Variants in ERBB3 observed in about 807,000 individuals in gnomAD.
ERBB3 encodes the protein erb-b2 receptor tyrosine kinase 3, also known as receptor tyrosine-protein kinase erbB-3.
ERBB3 carries 96 observed loss-of-function variants against 156.7 expected under a neutral mutation model. The observed-to-expected ratio is 0.61, with a 90% CI of 0.52 to 0.73. ERBB3 has a LOEUF of 0.73. Among genes scored for constraint, ERBB3 ranks in the 30% least tolerant of loss-of-function variants. The probability of loss-of-function intolerance (pLI) is 0.00; values close to 1 mark genes in which losing one functional copy is unlikely to be tolerated. For missense variants in ERBB3, 1,406 were observed against 1,709.4 expected, an observed-to-expected ratio of 0.82 and a Z score of 3.13; for synonymous variants, 567 against 632.0, an observed-to-expected ratio of 0.90 and a Z score of 1.54.
At chr12:56,096,721 T>C (rs774523341) in intron 18 of ERBB3, 27 bp from the exon 19 acceptor site, 6 of 1,612,376 alleles carry the variant, frequency 3.7e-6, no homozygotes, top group Non-Finnish European at 5.1e-6. Context: ...AATGACCTTA[T>C]GCCAACTCCT....
intron 9 of ERBB3, among the ~76,000 whole-genome samples, chr12:56,089,541 G>A (rs1160985983): frequency 4.6e-5 from 7 of 152,000 alleles, no homozygotes; most frequent in African/African-American, 1.7e-4. Flanking sequence ...AGGTCAGATC[G>A]AGACCATCCT....
intron 16 of ERBB3, 97 bp downstream of exon 16, chr12:56,095,407 C>A (rs1363639011): frequency 9.2e-7 from 1 of 1,085,706 alleles, no homozygotes; most frequent in Non-Finnish European, 1.4e-6. Flanking sequence ...TTCATTCTGG[C>A]CTTTTATGTA....
At chr12:56,098,026 A>C (rs1217942018) in intron 21 of ERBB3, 86 bp downstream of exon 21, 2 of 1,361,064 alleles carry the variant, frequency 1.5e-6, no homozygotes, top group African/African-American at 1.4e-5. Context: ...AGAGGCAAGC[A>C]GATGCTTCAT....
At chr12:56,084,351 C>A (rs1868404396) in intron 2 of ERBB3, among the ~76,000 whole-genome samples, 1 of 152,202 alleles carries the variant, frequency 6.6e-6, no homozygotes, top group African/African-American at 2.4e-5. Context: ...TGGCTCATGC[C>A]TGTAATCCCA....
chr12:56,094,507 C>G lies in ERBB3; in HGVS notation c.1810C>G (p.Pro604Ala). Residue 604 changes from proline (P) to alanine (A), a missense_variant, in exon 15 of 28, where the codon CCA becomes GCA. Physicochemically the swap from Pro to Ala is conservative, Grantham distance 27. Transcript: ENST00000267101. ...TGCCAAGGGCCCAATCTACAAGTAC[C>G]CAGATGTTCAGAATGAATGTCGGCC... Reference protein sequence around the residue: ...LGAKGPIYKYPDVQNECRPCH... With the variant: ...LGAKGPIYKYADVQNECRPCH... 1 of 1,614,082 alleles carries G rather than the reference C, an allele frequency of 6.2e-7. No homozygotes were observed. Among genetic ancestry groups the G allele is most frequent in the Non-Finnish European group, 8.5e-7 (1 of 1,180,012 alleles).
rs1869103949 is a variant in ERBB3, at chr12:56,101,517, C to T, written c.3503-12C>T. The T allele has an allele frequency of 2.5e-6, 4 of 1,613,654 alleles. No individual in the cohort carries two copies. The highest frequency in any genetic ancestry group is 1.7e-5 in the Admixed American group (1 of 59,992). ...GTTCTTCACATACCTAGCCTTTCTT[C>T]TCAACCCCCAGGTACTCCCTCCTCC... On this transcript the variant is annotated splice_polypyrimidine_tract_variant and intron_variant, in intron 27 of 27. Transcript: ENST00000267101.
Position 56,087,866 on chromosome 12 carries a change from G to T in ERBB3, c.685G>T (p.Asp229Tyr). 1 of 1,614,212 alleles carries T rather than the reference G, an allele frequency of 6.2e-7. No homozygotes were observed. The highest frequency in any genetic ancestry group is 1.1e-5 in the South Asian group (1 of 91,080). Residue 229 changes from aspartate to tyrosine, a missense_variant, in exon 6 of 28, where the codon GAT (aspartate) becomes TAT (tyrosine). By Grantham distance (160) the Asp-to-Tyr change is radical. This residue lies in a region of ERBB3 where 979 missense variants were observed against 1,219.6 expected (regional missense o/e 0.80). Coordinates refer to ENST00000267101, the MANE Select transcript of ERBB3 (RefSeq NM_001982.4). ...GCCCAACCCCAACCAGTGCTGCCAT[G>T]ATGAGTGTGCCGGGGGCTGCTCAGG... The part of the protein sequence containing the change: ...FGPNPNQCCH[D>Y]ECAGGCSGPQ...
At chr12:56,085,886 G>A (rs1298355945) in intron 3 of ERBB3, among the ~76,000 whole-genome samples, 3 of 151,354 alleles carry the variant, frequency 2.0e-5, no homozygotes, top group South Asian at 2.1e-4. Flanking sequence ...TGGCTAACAC[G>A]GTGAAACCCC....
rs778618876 is a variant in ERBB3 at position 56,088,848 on chromosome 12, T to C, written c.1089T>C (p.Phe363=). The change falls in exon 9 of 28, where the codon TTT becomes TTC. Residue 363 remains phenylalanine, a synonymous_variant. Coordinates refer to ENST00000267101, the MANE Select transcript of ERBB3 (RefSeq NM_001982.4). ...NCTKILGNLD[F]LITGLNGDPW... is the part of the protein sequence containing the mutation. ...CCAAGATCCTGGGCAACCTGGACTTTCTGATCACCGGCCTCAATGGGTTAG... is the reference window on the plus strand; with the variant it reads ...CCAAGATCCTGGGCAACCTGGACTTCCTGATCACCGGCCTCAATGGGTTAG... 4.3e-5 allele frequency: 69 copies of C among 1,614,046 alleles called. No homozygotes were observed. Among genetic ancestry groups the C allele is most frequent in the Middle Eastern group, 1.6e-4 (1 of 6,082 alleles).
chr12:56,090,372 C>T (rs930082172), intron 9 of ERBB3, among the ~76,000 whole-genome samples: 2 of 152,102 alleles, frequency 1.3e-5, no homozygotes, highest in Admixed American at 6.6e-5. Flanking sequence ...TGGCTCATGC[C>T]TATAATCCCA....
chr12:56,088,289 T>G, intron 7 of ERBB3, 127 bp downstream of exon 7: 2 of 1,073,130 alleles, frequency 1.9e-6, no homozygotes, highest in Non-Finnish European at 2.8e-6. Context: ...TATGATCATC[T>G]AACCACTCCA....
At chr12:56,089,123 G>GTT in intron 9 of ERBB3, 1 of 576,758 alleles carries the variant, frequency 1.7e-6, no homozygotes, top group African/African-American at 1.9e-5. Flanking sequence ...CCTTCTTAAA[G>GTT]TTTTCTTTTT....
rs771529756 is a variant in ERBB3, at chr12:56,101,961, C to T, written c.3935C>T (p.Thr1312Ile). Residue 1312 changes from threonine (T) to isoleucine (I), a missense_variant, in exon 28 of 28, where the codon ACT becomes ATT. By Grantham distance (89) the Thr-to-Ile change is moderately conservative (BLOSUM62 -1). Coordinates refer to ENST00000267101, the MANE Select transcript of ERBB3 (RefSeq NM_001982.4). Reference protein sequence around the residue: ...APHVHYARLKTLRSLEATDSA... With the variant: ...APHVHYARLKILRSLEATDSA... ...CATGTCCATTATGCCCGCCTAAAAA[C>T]TCTACGTAGCTTAGAGGCTACAGAC... is the stretch of plus-strand genomic sequence containing the variant. 3 of 1,613,706 alleles carry T rather than the reference C, an allele frequency of 1.9e-6. No homozygotes were observed. The highest frequency in any genetic ancestry group is 4.5e-5 in the East Asian group (2 of 44,888).
At position 56,087,869 on chromosome 12, in the gene ERBB3, G is replaced by A; in HGVS notation, c.688G>A (p.Glu230Lys). 6.2e-7 allele frequency: 1 copy of A among 1,614,198 alleles called. No individual in the cohort carries two copies. ...CAACCCCAACCAGTGCTGCCATGAT[G>A]AGTGTGCCGGGGGCTGCTCAGGCCC... ...GPNPNQCCHD[E>K]CAGGCSGPQD... The change falls in exon 6 of 28, where the codon GAG becomes AAG. Residue 230 changes from glutamate (E) to lysine (K), a missense_variant. Transcript: ENST00000267101.
chr12:56,087,720 T>TG lies in ERBB3; in HGVS notation c.614-70dup, dbSNP rs1450837479. 7 of 1,588,632 alleles carry TG rather than the reference T, an allele frequency of 4.4e-6. No homozygotes were observed. The Admixed American group carries it at 6.7e-5, about 15-fold the overall frequency. ...CCTCCCCAAGCCTGGGTCAACACTG[T>TG]GGGGGAGGCATGAGCAGTGGCCTCA... is the stretch of plus-strand genomic sequence containing the variant. On this transcript the variant is annotated intron_variant, in intron 5 of 27. Coordinates refer to ENST00000267101, the MANE Select transcript of ERBB3 (RefSeq NM_001982.4).
intron 11 of ERBB3, 96 bp from the exon 12 acceptor site, chr12:56,093,249 A>T: frequency 7.9e-7 from 1 of 1,259,582 alleles, no homozygotes; most frequent in Non-Finnish European, 1.2e-6. Context: ...AGTGGATCTG[A>T]CTAGCACTGA....
At chr12:56,086,979 A>T (rs1868506760) in intron 4 of ERBB3, among the ~76,000 whole-genome samples, 1 of 151,934 alleles carries the variant, frequency 6.6e-6, no homozygotes, top group Non-Finnish European at 1.5e-5. Flanking sequence ...TCTACAAAAA[A>T]TTAAAAAAAT....
At chr12:56,095,884 G>A in intron 17 of ERBB3, 78 bp downstream of exon 17, 2 of 1,493,884 alleles carry the variant, frequency 1.3e-6, no homozygotes, top group Non-Finnish European at 1.9e-6. Context: ...TTAATTTTGA[G>A]TGGTACCCTG....
rs187277789 is a variant in ERBB3, at chr12:56,088,670, G to T, written c.988+14G>T. ...TATGTCCCAAAGGTGGGTAGGAGAT[G>T]GTAAGAAGTTGTAAAGAGACAGCCT... is the stretch of plus-strand genomic sequence containing the variant. On this transcript the variant is annotated intron_variant, in intron 8 of 27. Transcript: ENST00000267101. The T allele has an allele frequency of 9.9e-5, 160 of 1,613,932 alleles. No individual in the cohort carries two copies. Among genetic ancestry groups the T allele is most frequent in the Non-Finnish European group, 1.0e-4 (123 of 1,179,852 alleles).
Sources: allele counts gnomAD v4.1 joint callset (sites outside exome capture counted in the v4.1 genomes callset), GRCh38; gene constraint gnomAD v4.1.1; regional missense constraint gnomAD v4.1.1; transcripts MANE v1.5; gene names NCBI Gene and HGNC (gene_info 2026-07-23, HGNC 2026-07-21).